Variants in HADHB observed in about 807,000 individuals in gnomAD.
The protein encoded by HADHB is trifunctional enzyme subunit beta, mitochondrial.
In HADHB, 50 loss-of-function variants were observed where a neutral mutation model predicts 61.9. The observed-to-expected ratio is 0.81, with a 90% CI of 0.64 to 1.02. HADHB has a LOEUF of 1.02. Among genes scored for constraint, HADHB ranks in the 50% least tolerant of loss-of-function variants. HADHB has a pLI of 0.00. For missense variants in HADHB, 504 were observed against 586.5 expected, an observed-to-expected ratio of 0.86 and a Z score of 1.45; for synonymous variants, 191 against 201.6, an observed-to-expected ratio of 0.95 and a Z score of 0.45.
At chr2:26,263,316 G>T in intron 3 of HADHB, 64 bp from the exon 4 acceptor site, 82 of 836,712 alleles carry the variant, frequency 9.8e-5, no homozygotes, top group Admixed American at 1.4e-4. Flanking sequence ...AAAAAAAAAA[G>T]TAAAAGTCAT....
chr2:26,288,113 A>G (rs147516614), intron 15 of HADHB, among the ~76,000 whole-genome samples: 32 of 152,172 alleles, frequency 2.1e-4, no homozygotes, highest in African/African-American at 6.7e-4. Flanking sequence ...CCAAAAATAC[A>G]AAAATTAGCC....
Position 26,261,115 on chromosome 2 carries a change from A to G in HADHB, c.110-2265A>G, listed in dbSNP as rs1166360463. The G allele has an allele frequency of 1.0e-5, 9 of 890,506 alleles. No individual in the cohort carries two copies. The Admixed American group carries it at 1.8e-4, about 18-fold the overall frequency. 55.2% of individuals were successfully genotyped at this position (890,506 alleles called of 1,614,324 possible). ...AATCAGCTTTTATATTGACTTAGGG[A>G]TGTGTCTATGGCTTCCCCTTTGGCA... On this transcript the variant is annotated intron_variant, in intron 3 of 15. Coordinates refer to ENST00000317799, the MANE Select transcript of HADHB (RefSeq NM_000183.3).
At position 26,273,661 on chromosome 2, in the gene HADHB, C is replaced by T; in HGVS notation, c.265C>T (p.His89Tyr). 1.3e-6 allele frequency: 2 copies of T among 1,586,672 alleles called. No individual in the cohort carries two copies. Among genetic ancestry groups the T allele is most frequent in the Non-Finnish European group, 1.7e-6 (2 of 1,155,144 alleles). The change falls in exon 6 of 16, where the codon CAT becomes TAT. Residue 89 changes from histidine (H) to tyrosine (Y), a missense_variant. Physicochemically the swap from His to Tyr is moderately conservative, Grantham distance 83. Coordinates refer to ENST00000317799, the MANE Select transcript of HADHB (RefSeq NM_000183.3). ...GATTTCTACTTCCAGGGGTTTGTTG[C>T]ATCGGACCAGTGTCCCTAAGGAAGT... Reference protein sequence around the residue: ...LARAALTGLLHRTSVPKEVVD... With the variant: ...LARAALTGLLYRTSVPKEVVD...
In HADHB at chr2:26,273,711, A is replaced by G. The variant is rs1293031605; in HGVS notation, c.315A>G (p.Thr105=). The part of the protein sequence containing the change: ...KEVVDYIIFG[T]VIQEVKTSNV... ...TAGTTGATTATATCATCTTTGGTAC[A>G]GTTATTCAGGAAGTGAAAACAAGCA... Residue 105 remains threonine, a synonymous_variant, in exon 6 of 16, where the codon ACA becomes ACG. Transcript: ENST00000317799. 3 of 1,608,984 alleles carry G rather than the reference A, an allele frequency of 1.9e-6. No individual in the cohort carries two copies. Among genetic ancestry groups the G allele is most frequent in the South Asian group, 1.1e-5 (1 of 90,984 alleles).
intron 5 of HADHB, among the ~76,000 whole-genome samples, chr2:26,270,937 G>A (rs1482811809): frequency 6.8e-6 from 1 of 147,806 alleles, no homozygotes; most frequent in African/African-American, 2.5e-5. Flanking sequence ...GGAGTGCAGT[G>A]GCGTGATTTC....
In HADHB at chr2:26,248,049, TTTCTC is replaced by T. The variant is rs939418583; in HGVS notation, c.-9+3062_-9+3066del. Among the ~76,000 whole-genome samples, 18 of 152,312 alleles carry T rather than the reference TTTCTC, an allele frequency of 1.2e-4. No homozygotes were observed. The East Asian group carries it at 3.3e-3, about 28-fold the overall frequency. On this transcript the variant is annotated intron_variant, in intron 1 of 15. Coordinates refer to ENST00000317799, the MANE Select transcript of HADHB (RefSeq NM_000183.3). Reference sequence around the variant, plus strand: ...AGACTCATAGCTTCAGGGACTTTCTTTTCTCTTTCTCTCTTTCTGTCACAAAATGG... The same window carrying T: ...AGACTCATAGCTTCAGGGACTTTCTTTTTCTCTCTTTCTGTCACAAAATGG...
intron 1 of HADHB, among the ~76,000 whole-genome samples, chr2:26,247,259 T>G (rs545792841): frequency 1.1e-4 from 17 of 152,212 alleles, no homozygotes; most frequent in Non-Finnish European, 1.9e-4. Context: ...CCCTGGAGTT[T>G]CCATGCTTTG....
At chr2:26,260,602 A>C (rs77797090) in intron 3 of HADHB, 386 of 185,290 alleles carry the variant, frequency 2.1e-3, no homozygotes, top group African/African-American at 8.9e-3. Flanking sequence ...TTCTCCTACT[A>C]CCTCTCAAGT....
intron 4 of HADHB, 121 bp from the exon 5 acceptor site, chr2:26,269,832 G>A (rs760026979): frequency 1.3e-5 from 10 of 765,568 alleles, no homozygotes; most frequent in Non-Finnish European, 2.4e-6. Context: ...GCCTTGGATA[G>A]TAAAGTTAAG....
At chr2:26,270,939 C>T (rs1337492242) in intron 5 of HADHB, among the ~76,000 whole-genome samples, 2 of 144,646 alleles carry the variant, frequency 1.4e-5, no homozygotes, top group African/African-American at 2.6e-5. Flanking sequence ...AGTGCAGTGG[C>T]GTGATTTCGG....
chr2:26,249,402 T>G (rs1326424739), intron 1 of HADHB, among the ~76,000 whole-genome samples: 3 of 151,742 alleles, frequency 2.0e-5, no homozygotes, highest in Admixed American at 6.6e-5. Context: ...TCCCAGTTAC[T>G]CGGGAGGCTG....
intron 5 of HADHB, among the ~76,000 whole-genome samples, chr2:26,272,447 G>A (rs1245086783): frequency 1.3e-5 from 2 of 151,062 alleles, no homozygotes; most frequent in African/African-American, 4.9e-5. Context: ...CCAGGTTCAA[G>A]CAATTCTCCT....
chr2:26,263,226 G>A (rs548074813), intron 3 of HADHB, among the ~76,000 whole-genome samples, 154 bp from the exon 4 acceptor site: 4 of 151,752 alleles, frequency 2.6e-5, no homozygotes, highest in African/African-American at 9.7e-5. Context: ...TTGAATCCGG[G>A]AGGCAGAGGT....
chr2:26,279,427 T>C, intron 9 of HADHB, 112 bp downstream of exon 9: 1 of 783,808 alleles, frequency 1.3e-6, no homozygotes, highest in Non-Finnish European at 2.2e-6. Flanking sequence ...TCCAAAGTAT[T>C]CAGCCTTTAT....
At chr2:26,273,355 CATTA>C (rs983832889) in intron 5 of HADHB, among the ~76,000 whole-genome samples, 9 of 152,064 alleles carry the variant, frequency 5.9e-5, no homozygotes, top group African/African-American at 1.2e-4. Context: ...TTTCTACTAA[CATTA>C]ATTAACATTA....
intron 1 of HADHB, among the ~76,000 whole-genome samples, chr2:26,247,940 T>C (rs1043566206): frequency 2.0e-5 from 3 of 152,206 alleles, no homozygotes; most frequent in Non-Finnish European, 2.9e-5. Flanking sequence ...ACTAGAATTA[T>C]GCATAAGTAA....
chr2:26,249,970 A>G (rs1371183325), intron 1 of HADHB, among the ~76,000 whole-genome samples: 3 of 152,258 alleles, frequency 2.0e-5, no homozygotes, highest in African/African-American at 4.8e-5. Flanking sequence ...ATTAGAGTAC[A>G]AACTACAGAT....
intron 12 of HADHB, among the ~76,000 whole-genome samples, chr2:26,283,393 G>A (rs1424756113): frequency 3.9e-5 from 6 of 151,974 alleles, no homozygotes; most frequent in East Asian, 1.9e-4. Context: ...GCGTGGTGGC[G>A]GGCGCCTGTA....
At chr2:26,283,347 G>T (rs1266759478) in intron 12 of HADHB, among the ~76,000 whole-genome samples, 1 of 151,938 alleles carries the variant, frequency 6.6e-6, no homozygotes, top group Non-Finnish European at 1.5e-5. Context: ...ACACGGTGAA[G>T]CCCTATCTCT....
Sources: gnomAD v4.1 joint callset for allele counts (sites outside exome capture counted in the v4.1 genomes callset) on GRCh38, gnomAD v4.1.1 for gene constraint, MANE v1.5 for transcripts, NCBI Gene and HGNC (gene_info 2026-07-23, HGNC 2026-07-21) for gene names.